Variants in LRCH1 observed in about 807,000 individuals in gnomAD.
LRCH1 encodes leucine rich repeats and calponin homology domain containing 1, also known as leucine-rich repeat and calponin homology domain-containing protein 1.
A neutral mutation model predicts 94.9 loss-of-function variants in LRCH1; 23 were observed. The ratio of observed to expected loss-of-function variants is 0.24; its 90% CI spans 0.17 to 0.34. The LOEUF (loss-of-function observed/expected upper bound fraction) is 0.34, where lower values mean the gene tolerates loss of function less well. Among genes scored for constraint, LRCH1 ranks in the 10% least tolerant of loss-of-function variants. LRCH1 has a pLI of 1.00. For missense variants in LRCH1, 790 were observed against 945.9 expected (o/e 0.84, Z 2.16); for synonymous variants, 364 against 354.9 (o/e 1.03, Z -0.29).
rs529858530 is a variant in LRCH1, at chr13:46,734,373, G to C, written c.2085+375G>C. ...GGAGCTGATGGTTTTCTTATCCCAG[G>C]CTCTGAAGAAAAGACCTGCTGATTA... On this transcript the variant is annotated intron_variant, in intron 19 of 19. Transcript: ENST00000389797. Among the ~76,000 whole-genome samples the C allele has an allele frequency of 5.9e-5, 9 of 152,134 alleles. No homozygotes were observed. In the East Asian group the frequency reaches 1.5e-3, roughly 26 times the overall value.
intron 11 of LRCH1, among the ~76,000 whole-genome samples, chr13:46,703,831 A>G (rs983154411): frequency 2.0e-5 from 3 of 152,122 alleles, no homozygotes; most frequent in Non-Finnish European, 2.9e-5. Context: ...CCAATTGTGC[A>G]GGAAATTTAG....
rs1447859440 is a variant in LRCH1, at chr13:46,743,656, AGCTCT to A, written c.*1811_*1815del. 9 of 985,370 alleles carry A rather than the reference AGCTCT, an allele frequency of 9.1e-6. No homozygotes were observed. In the East Asian group the frequency reaches 9.1e-4, roughly 99 times the overall value. The allele number at this position is 985,370 out of a possible 1,614,324, so 61.0% of individuals were successfully genotyped here. The stretch of plus-strand genomic sequence containing the variant: ...TCATGAGCTCTCAGCATTCCCATCC[AGCTCT>A]GCAGTGCATTGAGGCTTCTCTTTAA... On this transcript the variant is annotated 3_prime_UTR_variant, in exon 20 of 20. Transcript: ENST00000389797.
At chr13:46,722,501 C>CAT (rs1872627545) in intron 16 of LRCH1, among the ~76,000 whole-genome samples, 2 of 152,318 alleles carry the variant, frequency 1.3e-5, no homozygotes, top group Admixed American at 1.3e-4. Flanking sequence ...TGTTTTCCTT[C>CAT]ATAGGGAAGG....
intron 16 of LRCH1, among the ~76,000 whole-genome samples, chr13:46,716,773 G>A (rs1872342943): frequency 6.6e-6 from 1 of 152,006 alleles, no homozygotes; most frequent in African/African-American, 2.4e-5. Flanking sequence ...ATTTTTAAAC[G>A]GAAAATAAAT....
At chr13:46,718,253 C>A (rs900275041) in intron 16 of LRCH1, among the ~76,000 whole-genome samples, 1 of 152,132 alleles carries the variant, frequency 6.6e-6, no homozygotes, top group East Asian at 1.9e-4. Flanking sequence ...ATGAATGGAC[C>A]AGTTTACATT....
chr13:46,634,264 T>C (rs2051055612), intron 1 of LRCH1, among the ~76,000 whole-genome samples: 3 of 151,056 alleles, frequency 2.0e-5, no homozygotes, highest in Non-Finnish European at 1.5e-5. Flanking sequence ...TCTTCTTTGC[T>C]TTCAATGTTT....
At chr13:46,637,293 C>G (rs947405051) in intron 1 of LRCH1, among the ~76,000 whole-genome samples, 2 of 152,318 alleles carry the variant, frequency 1.3e-5, no homozygotes, top group Admixed American at 6.5e-5. Context: ...GTCACCTCCT[C>G]CCTGGCCTCC....
chr13:46,636,059 CTTTTTTT>C (rs34118906), intron 1 of LRCH1, among the ~76,000 whole-genome samples: 1 of 73,534 alleles, frequency 1.4e-5, no homozygotes, highest in African/African-American at 5.5e-5. Context: ...CCATGTCAAC[CTTTTTTT>C]TTTTTTTTTT....
At chr13:46,736,585 T>A (rs959175218) in intron 19 of LRCH1, among the ~76,000 whole-genome samples, 2 of 152,226 alleles carry the variant, frequency 1.3e-5, no homozygotes, top group African/African-American at 4.8e-5. Flanking sequence ...TTAGACATTT[T>A]AAAAGACATT....
At chr13:46,685,837 A>AT in intron 4 of LRCH1, 68 bp from the exon 5 acceptor site, 2 of 1,131,860 alleles carry the variant, frequency 1.8e-6, no homozygotes, top group Non-Finnish European at 2.4e-6. Flanking sequence ...TTTTTGAATG[A>AT]TTAGCCATTT....
intron 1 of LRCH1, among the ~76,000 whole-genome samples, chr13:46,595,577 A>T (rs2050552675): frequency 6.6e-6 from 1 of 152,264 alleles, no homozygotes; most frequent in Non-Finnish European, 1.5e-5. Flanking sequence ...CTGAAGCCAC[A>T]TCTGCACTTT....
At chr13:46,719,968 A>G (rs1288289186) in intron 16 of LRCH1, among the ~76,000 whole-genome samples, 1 of 152,222 alleles carries the variant, frequency 6.6e-6, no homozygotes, top group Non-Finnish European at 1.5e-5. Flanking sequence ...ACTGCACTCC[A>G]GCCTGGGCGA....
At chr13:46,571,720 GCT>G (rs2050242494) in intron 1 of LRCH1, among the ~76,000 whole-genome samples, 1 of 152,156 alleles carries the variant, frequency 6.6e-6, no homozygotes, top group Non-Finnish European at 1.5e-5. Flanking sequence ...TCAAATTCTG[GCT>G]CTGTCACTTA....
chr13:46,659,104 C>T (rs2051412398), intron 2 of LRCH1, among the ~76,000 whole-genome samples: 1 of 152,158 alleles, frequency 6.6e-6, no homozygotes, highest in African/African-American at 2.4e-5. Flanking sequence ...GCACCTGGTA[C>T]TCTTTTTGCC....
chr13:46,694,476 T>A (rs1871070621), intron 8 of LRCH1, among the ~76,000 whole-genome samples: 1 of 152,228 alleles, frequency 6.6e-6, no homozygotes, highest in African/African-American at 2.4e-5. Flanking sequence ...GGAGTCAGAT[T>A]TGGCTGATTT....
At chr13:46,566,216 T>C (rs1466489029) in intron 1 of LRCH1, among the ~76,000 whole-genome samples, 1 of 152,234 alleles carries the variant, frequency 6.6e-6, no homozygotes, top group Non-Finnish European at 1.5e-5. Flanking sequence ...CTTGACATGC[T>C]CTGAAGATGA....
chr13:46,637,371 C>T (rs917601364), intron 1 of LRCH1, among the ~76,000 whole-genome samples: 3 of 152,238 alleles, frequency 2.0e-5, no homozygotes, highest in Non-Finnish European at 4.4e-5. Context: ...CCACCCTCTG[C>T]TCCAAGCCCT....
intron 18 of LRCH1, among the ~76,000 whole-genome samples, chr13:46,730,112 AGAG>A (rs1873024929): frequency 1.3e-5 from 2 of 152,234 alleles, no homozygotes; most frequent in African/African-American, 4.8e-5. Context: ...TTATACAAAT[AGAG>A]AAAAAAGTAT....
chr13:46,611,811 T>C (rs1301825986), intron 1 of LRCH1, among the ~76,000 whole-genome samples: 1 of 152,244 alleles, frequency 6.6e-6, no homozygotes, highest in African/African-American at 2.4e-5. Flanking sequence ...CTTCTTAAAA[T>C]TGTGATGACT....
Sources: allele counts gnomAD v4.1 joint callset (sites outside exome capture counted in the v4.1 genomes callset), GRCh38; gene constraint gnomAD v4.1.1; transcripts MANE v1.5; gene names NCBI Gene and HGNC (gene_info 2026-07-23, HGNC 2026-07-21).